PTPDC1: variants seen among roughly 807,000 people sequenced by gnomAD.
The protein encoded by PTPDC1 is protein tyrosine phosphatase domain containing 1.
A neutral mutation model predicts 75.3 loss-of-function variants in PTPDC1; 53 were observed. The observed-to-expected ratio is 0.70, with a 90% confidence interval of 0.56 to 0.88. The LOEUF is 0.88. Ranked by LOEUF, PTPDC1 falls within the 40% of genes least tolerant of loss-of-function variation. The pLI, the probability that PTPDC1 is intolerant of heterozygous loss-of-function variation, is 0.00. For synonymous variants in PTPDC1, 349 were observed against 366.2 expected, an observed-to-expected ratio of 0.95 and a Z score of 0.54; for missense variants, 925 against 998.6, an observed-to-expected ratio of 0.93 and a Z score of 0.99.
intron 2 of PTPDC1, among the ~76,000 whole-genome samples, chr9:94,078,659 T>G (rs1165930049): frequency 6.6e-6 from 1 of 152,218 alleles, no homozygotes; most frequent in Non-Finnish European, 1.5e-5. Context: ...TTGTTCATTT[T>G]TTCATTTTTT....
intron 2 of PTPDC1, among the ~76,000 whole-genome samples, chr9:94,087,088 C>T (rs990512072): frequency 1.3e-5 from 2 of 152,206 alleles, no homozygotes; most frequent in African/African-American, 4.8e-5. Context: ...AGTTGGCCCT[C>T]CTCATGTAAG....
intron 1 of PTPDC1, among the ~76,000 whole-genome samples, chr9:94,063,899 T>G (rs984438668): frequency 2.6e-5 from 4 of 152,212 alleles, no homozygotes; most frequent in Non-Finnish European, 5.9e-5. Context: ...TAATAGATGT[T>G]CAAACCGTAA....
At chr9:94,039,377 A>G (rs766551795) in intron 1 of PTPDC1, among the ~76,000 whole-genome samples, 1 of 152,212 alleles carries the variant, frequency 6.6e-6, no homozygotes, top group Non-Finnish European at 1.5e-5. Context: ...ATGTGTTTTA[A>G]AATGTAGCAT....
At chr9:94,084,280 A>G, upstream of PTPDC1, 1 of 377,842 alleles carries the variant, frequency 2.6e-6, no homozygotes, top group Non-Finnish European at 4.6e-6. Flanking sequence ...CAATATATTT[A>G]AAATTTATAT....
At chr9:94,046,749 A>T (rs1421820742) in intron 1 of PTPDC1, among the ~76,000 whole-genome samples, 11 of 152,290 alleles carry the variant, frequency 7.2e-5, no homozygotes, top group Non-Finnish European at 1.3e-4. Flanking sequence ...TTTTGGGCTG[A>T]GACAATGGGG....
chr9:94,095,254 T>TGAAA, intron 4 of PTPDC1, 63 bp from the exon 5 acceptor site: 1 of 1,164,316 alleles, frequency 8.6e-7, no homozygotes, highest in Non-Finnish European at 1.2e-6. Flanking sequence ...TACTTTTCAT[T>TGAAA]AGTGTTTGTA....
At chr9:94,060,337 T>C (rs1273086222) in intron 1 of PTPDC1, among the ~76,000 whole-genome samples, 2 of 152,194 alleles carry the variant, frequency 1.3e-5, no homozygotes, top group Non-Finnish European at 2.9e-5. Flanking sequence ...GAGAGTGTGC[T>C]CACATTTGGT....
intron 1 of PTPDC1, among the ~76,000 whole-genome samples, chr9:94,059,925 G>A (rs1178004580): frequency 1.3e-5 from 2 of 152,152 alleles, no homozygotes; most frequent in African/African-American, 4.8e-5. Flanking sequence ...GTGATAATAA[G>A]CCACATAAAC....
Position 94,097,567 on chromosome 9 carries a change from G to A in PTPDC1, c.1001G>A (p.Arg334Gln), listed in dbSNP as rs1466883793. 5.0e-6 allele frequency: 8 copies of A among 1,613,968 alleles called. No homozygotes were observed. The highest frequency in any genetic ancestry group is 6.8e-6 in the Non-Finnish European group (8 of 1,180,046). The change falls in exon 6 of 9, where the codon CGA becomes CAA. Residue 334 changes from arginine (R) to glutamine (Q), a missense_variant. By Grantham distance (43) the Arg-to-Gln change is conservative. Coordinates refer to ENST00000620992, the MANE Select transcript of PTPDC1 (RefSeq NM_001253829.2). ...QRHLLHGYEA[R>Q]LLKHVPKIIH... ...CATCTGCTTCATGGTTATGAGGCAC[G>A]ACTTCTGAAACACGTGCCAAAAATT...
In PTPDC1 at chr9:94,097,305, C is replaced by A; in HGVS notation, c.755-16C>A. 1 of 1,524,438 alleles carries A rather than the reference C, an allele frequency of 6.6e-7. No homozygotes were observed. The highest frequency in any genetic ancestry group is 8.9e-7 in the Non-Finnish European group (1 of 1,122,454). The allele number at this position is 1,524,438 out of a possible 1,614,324, so 94.4% of individuals were successfully genotyped here. On this transcript the variant is annotated splice_polypyrimidine_tract_variant and intron_variant, in intron 5 of 8. Coordinates refer to ENST00000620992, the MANE Select transcript of PTPDC1 (RefSeq NM_001253829.2). ...TAAGCTTTTCTCATACCAGTCTTCT[C>A]TTCTTCACTGTTTAGGTGTTTTAAT...
chr9:94,085,393 G>A lies in PTPDC1; in HGVS notation c.387G>A (p.Glu129=). 6.2e-7 allele frequency: 1 copy of A among 1,614,226 alleles called. No individual in the cohort carries two copies. Among genetic ancestry groups the A allele is most frequent in the Non-Finnish European group, 8.5e-7 (1 of 1,180,040 alleles). ...ACCCAGCCCGCTGGAGTGAGCAGGA[G>A]CAAGCCATTAAGGGGGTTTACTCAT... ...YENPARWSEQ[E]QAIKGVYSSW... Residue 129 remains glutamate (E), a synonymous_variant, in exon 2 of 9, where the codon GAG becomes GAA. Coordinates refer to ENST00000620992, the MANE Select transcript of PTPDC1 (RefSeq NM_001253829.2).
chr9:94,097,971 C>T lies in PTPDC1; in HGVS notation c.1405C>T (p.Pro469Ser). The T allele has an allele frequency of 6.2e-7, 1 of 1,614,188 alleles. No homozygotes were observed. The highest frequency in any genetic ancestry group is 8.5e-7 in the Non-Finnish European group (1 of 1,180,022). The change falls in exon 6 of 9, where the codon CCT (proline) becomes TCT (serine). Residue 469 changes from proline (P) to serine (S), a missense_variant. Transcript: ENST00000620992. ...GCAAGGGGAGACTCCACAGACAGTG[C>T]CTGCCCAGATCTTGGTTGGCCACAA... is the stretch of plus-strand genomic sequence containing the variant. ...LEQGETPQTV[P>S]AQILVGHKPR...
intron 1 of PTPDC1, among the ~76,000 whole-genome samples, chr9:94,031,807 G>A (rs1829733432): frequency 1.3e-5 from 2 of 152,122 alleles, no homozygotes; most frequent in Non-Finnish European, 2.9e-5. Context: ...TCAAGAAAAG[G>A]TTGAGAAACA....
intron 1 of PTPDC1, among the ~76,000 whole-genome samples, chr9:94,050,448 T>G (rs1377531116): frequency 1.3e-5 from 2 of 152,244 alleles, no homozygotes; most frequent in African/African-American, 2.4e-5. Context: ...GACCCTCAGC[T>G]GCAGGTCTGT....
intron 2 of PTPDC1, among the ~76,000 whole-genome samples, chr9:94,069,933 T>A (rs1426121811): frequency 6.6e-6 from 1 of 151,058 alleles, no homozygotes; most frequent in Non-Finnish European, 1.5e-5. Context: ...CACGCCATTC[T>A]CCTGCCTCAG....
At chr9:94,037,691 TC>T (rs578203726) in intron 1 of PTPDC1, among the ~76,000 whole-genome samples, 9 of 152,170 alleles carry the variant, frequency 5.9e-5, no homozygotes, top group African/African-American at 1.9e-4. Context: ...AGGAACAAAA[TC>T]CACTTCTCTG....
chr9:94,043,893 C>T (rs1262493850), intron 1 of PTPDC1, among the ~76,000 whole-genome samples: 7 of 152,136 alleles, frequency 4.6e-5, no homozygotes, highest in African/African-American at 1.7e-4. Context: ...ATCCAGATGT[C>T]TTGCATCATT....
At chr9:94,090,963 GC>G (rs1256140446) in intron 4 of PTPDC1, among the ~76,000 whole-genome samples, 1 of 152,172 alleles carries the variant, frequency 6.6e-6, no homozygotes, top group African/African-American at 2.4e-5. Context: ...TTGCCTGTCA[GC>G]TTAAGGAGAT....
chr9:94,090,315 A>T (rs1210883418), intron 4 of PTPDC1, among the ~76,000 whole-genome samples: 1 of 122,408 alleles, frequency 8.2e-6, no homozygotes, highest in African/African-American at 3.3e-5. Context: ...CAGTTTTCCC[A>T]CCACCATTTA....
Sources: allele counts gnomAD v4.1 joint callset (sites outside exome capture counted in the v4.1 genomes callset), GRCh38; gene constraint gnomAD v4.1.1; transcripts MANE v1.5; gene names NCBI Gene and HGNC (gene_info 2026-07-23, HGNC 2026-07-21).